KLHL4: variants seen among roughly 807,000 people sequenced by gnomAD.
KLHL4 encodes kelch like family member 4.
A neutral mutation model predicts 45.8 loss-of-function variants in KLHL4; 17 were observed. The ratio of observed to expected loss-of-function variants is 0.37; its 90% CI spans 0.25 to 0.56. KLHL4 has a LOEUF of 0.56. KLHL4 is among the 20% of genes least tolerant of loss of function. KLHL4 has a pLI of 0.79. For missense variants in KLHL4, 544 were observed against 544.9 expected (o/e 1.00, Z 0.02); for synonymous variants, 224 against 189.9 (o/e 1.18, Z -1.47).
intron 1 of KLHL4, among the ~76,000 whole-genome samples, chrX:87,589,662 A>C (rs769130656): frequency 4.5e-5 from 5 of 111,434 alleles, no homozygotes; most frequent in Non-Finnish European, 9.4e-5. Flanking sequence ...AGAGACTGCC[A>C]AGAGTGGTGG....
At chrX:87,532,760 C>T (rs1257005593) in intron 1 of KLHL4, among the ~76,000 whole-genome samples, 1 of 108,868 alleles carries the variant, frequency 9.2e-6, no homozygotes, top group Non-Finnish European at 1.9e-5. Flanking sequence ...TATAAGAATG[C>T]TTGTGATTTT....
chrX:87,637,878 G>A (rs1923318251), intron 9 of KLHL4, among the ~76,000 whole-genome samples: 1 of 111,975 alleles, frequency 8.9e-6, no homozygotes, highest in African/African-American at 3.3e-5. Context: ...GAACCTGGGA[G>A]GCAGAGGTTG....
Position 87,572,822 on chromosome X carries a change from T to TAAA in KLHL4, c.423-41046_423-41044dup, listed in dbSNP as rs369143265. Among the ~76,000 whole-genome samples the TAAA allele has an allele frequency of 7.7e-3, 757 of 97,987 alleles. 4 individuals are homozygous for TAAA. The highest frequency in any genetic ancestry group is 0.011 in the Non-Finnish European group (536 of 48,761). The allele number at this position is 97,987 out of a possible 115,157, so 85.1% of individuals were successfully genotyped here. A position where few individuals can be genotyped will look rare whatever the true frequency, so the allele number is the denominator to read the frequency against. On this transcript the variant is annotated intron_variant, in intron 1 of 10. Coordinates refer to ENST00000373119, the MANE Select transcript of KLHL4 (RefSeq NM_019117.5). ...AAAAAAAAAACTAGGAAGGAAAACT[T>TAAA]AAAAAAAAAAATAAATGAAAGCACA...
chrX:87,534,380 T>TA (rs1006998241), intron 1 of KLHL4, among the ~76,000 whole-genome samples: 173 of 110,641 alleles, frequency 1.6e-3, no homozygotes, highest in Non-Finnish European at 2.3e-3. Context: ...AACCAAACTT[T>TA]AAAAAAAACA....
At chrX:87,647,573 G>A (rs1246792217) in intron 9 of KLHL4, among the ~76,000 whole-genome samples, 1 of 111,907 alleles carries the variant, frequency 8.9e-6, no homozygotes, top group Non-Finnish European at 1.9e-5. Flanking sequence ...TGAAATAATG[G>A]CATTCACAGC....
intron 1 of KLHL4, among the ~76,000 whole-genome samples, chrX:87,560,587 T>A (rs1932076206): frequency 9.0e-6 from 1 of 111,275 alleles, no homozygotes; most frequent in Non-Finnish European, 1.9e-5. Context: ...TGAGATTTTA[T>A]ACCCAATTAA....
intron 1 of KLHL4, among the ~76,000 whole-genome samples, chrX:87,565,755 A>G (rs1418124327): frequency 1.1e-5 from 1 of 94,437 alleles, no homozygotes; most frequent in Non-Finnish European, 2.0e-5. Context: ...TTACAGATAC[A>G]AAAATAATTA....
At chrX:87,596,885 A>G (rs771413038) in intron 1 of KLHL4, among the ~76,000 whole-genome samples, 3 of 112,455 alleles carry the variant, frequency 2.7e-5, no homozygotes, top group Non-Finnish European at 5.6e-5. Context: ...TCCTGACAAG[A>G]TTTAATATAT....
rs191611713 is a variant in KLHL4, at chrX:87,603,933, C to T, written c.423-9944C>T. On this transcript the variant is annotated intron_variant, in intron 1 of 10. Transcript: ENST00000373119. ...CTAGTAACCACTGTTCCACTCCCCG[C>T]TTCTATGATATCAACTCTTTTGTTT... 1.4e-4 allele frequency among the ~76,000 whole-genome samples: 15 copies of T among 110,110 alleles called. No homozygotes were observed. The East Asian group carries it at 4.0e-3, about 30-fold the overall frequency.
At chrX:87,559,755 A>G (rs1932055582) in intron 1 of KLHL4, among the ~76,000 whole-genome samples, 1 of 108,450 alleles carries the variant, frequency 9.2e-6, no homozygotes, top group African/African-American at 3.3e-5. Context: ...TAAGTTGCTT[A>G]CACTCTAGTA....
intron 1 of KLHL4, among the ~76,000 whole-genome samples, chrX:87,596,358 A>G (rs1324999945): frequency 8.9e-6 from 1 of 112,275 alleles, no homozygotes; most frequent in Admixed American, 9.5e-5. Context: ...TCGTAAATGT[A>G]TGAATTTTAT....
At chrX:87,556,988 A>C (rs1159847818) in intron 1 of KLHL4, among the ~76,000 whole-genome samples, 1 of 111,754 alleles carries the variant, frequency 8.9e-6, no homozygotes, top group Admixed American at 9.6e-5. Flanking sequence ...CAAATATAAC[A>C]CTTTGAACAG....
At chrX:87,608,354 C>G (rs758532895) in intron 1 of KLHL4, among the ~76,000 whole-genome samples, 2 of 111,607 alleles carry the variant, frequency 1.8e-5, no homozygotes, top group Admixed American at 1.9e-4. Context: ...TGCTGCATGA[C>G]CTGGTGTATC....
In KLHL4 at chrX:87,577,193, A is replaced by G. The variant is rs141174576; in HGVS notation, c.423-36684A>G. Reference sequence around the variant, plus strand: ...CTTACAGGTTATGCTAAAACATTAAATATATTTAACCCTTTTCCTTTTCCT... The same window carrying G: ...CTTACAGGTTATGCTAAAACATTAAGTATATTTAACCCTTTTCCTTTTCCT... On this transcript the variant is annotated intron_variant, in intron 1 of 10. Coordinates refer to ENST00000373119, the MANE Select transcript of KLHL4 (RefSeq NM_019117.5). 6.0e-4 allele frequency among the ~76,000 whole-genome samples: 67 copies of G among 112,003 alleles called. 1 individual carries two copies. In the East Asian group the frequency reaches 0.014, roughly 23 times the overall value.
At chrX:87,532,091 A>T (rs750928185) in intron 1 of KLHL4, among the ~76,000 whole-genome samples, 1 of 110,241 alleles carries the variant, frequency 9.1e-6, no homozygotes, top group African/African-American at 3.3e-5. Flanking sequence ...TCTTTAATCC[A>T]TCTTGAATTA....
chrX:87,642,089 CA>C (rs1923480459), intron 9 of KLHL4, among the ~76,000 whole-genome samples: 2 of 111,154 alleles, frequency 1.8e-5, no homozygotes, highest in South Asian at 7.7e-4. Flanking sequence ...CCACCCAGAA[CA>C]AAAATGAAGC....
At chrX:87,641,046 C>T (rs1569360013) in intron 9 of KLHL4, among the ~76,000 whole-genome samples, 1 of 111,924 alleles carries the variant, frequency 8.9e-6, no homozygotes, top group East Asian at 2.8e-4. Context: ...TCATGGTGGA[C>T]GTGAGGCAGG....
chrX:87,610,044 T>C (rs943300679), intron 1 of KLHL4, among the ~76,000 whole-genome samples: 1 of 111,770 alleles, frequency 8.9e-6, no homozygotes, highest in Non-Finnish European at 1.9e-5. Flanking sequence ...CAAGGATATT[T>C]ACATGGCTTG....
Position 87,618,123 on chromosome X carries a change from A to T in KLHL4, c.919A>T (p.Thr307Ser). Residue 307 changes from threonine (T) to serine (S), a missense_variant, in exon 4 of 11, where the codon ACT (threonine) becomes TCT (serine). Transcript: ENST00000373119. ...ACTTCTGAACGTGGCACACAAATAC[A>T]CTATGGTAAAATCAATTGCTTCAAC... ...TELLNVAHKY[T>S]MEHFIEVIKN... 1 of 1,176,175 alleles carries T rather than the reference A, an allele frequency of 8.5e-7. No individual in the cohort carries two copies. The highest frequency in any genetic ancestry group is 1.1e-6 in the Non-Finnish European group (1 of 874,579).
Sources: gnomAD v4.1 joint callset for allele counts (sites outside exome capture counted in the v4.1 genomes callset) on GRCh38, gnomAD v4.1.1 for gene constraint, MANE v1.5 for transcripts, NCBI Gene and HGNC (gene_info 2026-07-23, HGNC 2026-07-21) for gene names.